ZNF536: variants seen among roughly 807,000 people sequenced by gnomAD.
ZNF536 encodes the protein zinc finger protein 536.
In ZNF536, 13 loss-of-function variants were observed where a neutral mutation model predicts 84.5. The observed-to-expected ratio is 0.15, with a 90% CI of 0.10 to 0.24. The LOEUF (loss-of-function observed/expected upper bound fraction) is 0.24, where lower values mean the gene tolerates loss of function less well. Ranked by LOEUF, ZNF536 falls within the 10% of genes least tolerant of loss-of-function variation. ZNF536 has a pLI of 1.00. For synonymous variants in ZNF536, 811 were observed against 742.5 expected (o/e 1.09, Z -1.50); for missense variants, 1,536 against 1,747.5 (o/e 0.88, Z 2.16).
intron 1 of ZNF536, among the ~76,000 whole-genome samples, chr19:30,613,209 A>C (rs2048161268): frequency 6.6e-6 from 1 of 152,178 alleles, no homozygotes; most frequent in Non-Finnish European, 1.5e-5. Flanking sequence ...CAGGTTTCTC[A>C]GCTGTCAATT....
At chr19:30,446,028 A>C (rs2052316926) in intron 2 of ZNF536, among the ~76,000 whole-genome samples, 1 of 152,050 alleles carries the variant, frequency 6.6e-6, no homozygotes, top group South Asian at 2.1e-4. Context: ...CCGGTGGATC[A>C]CTTGAGGCCA....
intron 2 of ZNF536, among the ~76,000 whole-genome samples, chr19:30,285,585 G>A (rs1384049427): frequency 1.3e-5 from 2 of 152,140 alleles, no homozygotes. Flanking sequence ...TGAATCGGAG[G>A]TATAGCCGAG....
upstream of ZNF536, among the ~76,000 whole-genome samples, chr19:30,371,715 G>C (rs2048618567): frequency 1.3e-5 from 2 of 151,656 alleles, no homozygotes; most frequent in Admixed American, 1.3e-4. Context: ...GCCAGCAGGA[G>C]ATGGAAAAGG....
chr19:30,229,818 T>C (rs968380790), intron 1 of ZNF536, among the ~76,000 whole-genome samples: 62 of 152,138 alleles, frequency 4.1e-4, no homozygotes, highest in Non-Finnish European at 7.1e-4. Context: ...AATTAACTTT[T>C]CCCCCCACTG....
rs562050408 is a variant in ZNF536 at position 30,617,572 on chromosome 19, G to C, written c.169+68058G>C. On this transcript the variant is annotated intron_variant, in intron 1 of 1. Transcript: ENST00000592773. The stretch of plus-strand genomic sequence containing the variant: ...TCACTGTGTTAGTCAGGATGGTCTC[G>C]ATCTCCTGACCTCGTGATCTGCCCA... Among the ~76,000 whole-genome samples, 143 of 151,278 alleles carry C rather than the reference G, an allele frequency of 9.5e-4. 1 individual carries two copies. Among genetic ancestry groups the C allele is most frequent in the Non-Finnish European group, 1.5e-3 (102 of 67,792 alleles).
intron 2 of ZNF536, among the ~76,000 whole-genome samples, chr19:30,497,803 A>G (rs2054785729): frequency 6.6e-6 from 1 of 152,024 alleles, no homozygotes; most frequent in Non-Finnish European, 1.5e-5. Context: ...GTGTGTGTGT[A>G]CATTCTCACG....
At chr19:30,594,435 C>A (rs1373053963) in intron 1 of ZNF536, among the ~76,000 whole-genome samples, 1 of 152,204 alleles carries the variant, frequency 6.6e-6, no homozygotes, top group African/African-American at 2.4e-5. Context: ...TCCTCAGTCT[C>A]CCCCTGCTCC....
At chr19:30,386,760 C>T (rs939230275) in intron 1 of ZNF536, among the ~76,000 whole-genome samples, 2 of 152,192 alleles carry the variant, frequency 1.3e-5, no homozygotes, top group East Asian at 1.9e-4. Flanking sequence ...CAGGGCCTGG[C>T]GCACAGCCAG....
At chr19:30,475,919 T>C (rs1198436017) in intron 2 of ZNF536, among the ~76,000 whole-genome samples, 1 of 152,190 alleles carries the variant, frequency 6.6e-6, no homozygotes, top group African/African-American at 2.4e-5. Flanking sequence ...CTTTCTCCTA[T>C]GAAGCTCACC....
At position 30,605,214 on chromosome 19, in the gene ZNF536, G is replaced by A. The variant is rs528454565; in HGVS notation, c.169+55700G>A. Among the ~76,000 whole-genome samples, 11 of 152,110 alleles carry A rather than the reference G, an allele frequency of 7.2e-5. No individual in the cohort carries two copies. In the South Asian group the frequency reaches 1.9e-3, roughly 26 times the overall value. ...TTTTAAATTTCCATAGTTTTGGGGGGTGCAGATGGTTTTTGGTTACAGGGA... is the reference window on the plus strand; with the variant it reads ...TTTTAAATTTCCATAGTTTTGGGGGATGCAGATGGTTTTTGGTTACAGGGA... On this transcript the variant is annotated intron_variant, in intron 1 of 1. Transcript: ENST00000592773.
rs1214753916 is a variant in ZNF536, at chr19:30,548,067, C to A, written c.2448C>A (p.Pro816=). ...GGGCTGGGCCGCTGTCTGGGCAACC[C>A]CCAAATCAAGACCACAAGGATGAGA... ...QNGAGPLSGQ[P]PNQDHKDEMS... Residue 816 remains proline, a synonymous_variant, in exon 4 of 5, where the codon CCC becomes CCA. Transcript: ENST00000355537. 6.2e-7 allele frequency: 1 copy of A among 1,614,124 alleles called. No homozygotes were observed. The highest frequency in any genetic ancestry group is 8.5e-7 in the Non-Finnish European group (1 of 1,180,024).
intron 2 of ZNF536, among the ~76,000 whole-genome samples, chr19:30,493,359 C>T (rs1030533770): frequency 3.9e-5 from 6 of 152,038 alleles, no homozygotes; most frequent in East Asian, 1.9e-4. Context: ...ATGCAGAGAA[C>T]GAGGTAACAA....
intron 2 of ZNF536, among the ~76,000 whole-genome samples, chr19:30,461,507 A>AC (rs1284062561): frequency 6.6e-6 from 1 of 151,450 alleles, no homozygotes; most frequent in African/African-American, 2.4e-5. Flanking sequence ...GTCTGATGGG[A>AC]CCCCCCTGAG....
chr19:30,671,689 TGTTTATAGCACCTGC>T (rs1246253376), intron 1 of ZNF536, among the ~76,000 whole-genome samples: 1 of 152,128 alleles, frequency 6.6e-6, no homozygotes, highest in African/African-American at 2.4e-5. Context: ...GTCTAACTAG[TGTTTATAGCACCTGC>T]GCTATCTCAG....
intron 3 of ZNF536, among the ~76,000 whole-genome samples, chr19:30,361,805 G>A (rs955634254): frequency 3.5e-5 from 4 of 113,698 alleles, no homozygotes; most frequent in East Asian, 2.5e-4. Flanking sequence ...CAAGGCAGGC[G>A]TCCTCCAGGG....
intron 1 of ZNF536, among the ~76,000 whole-genome samples, chr19:30,392,305 C>T (rs1470463094): frequency 2.0e-5 from 3 of 152,228 alleles, no homozygotes; most frequent in Admixed American, 6.5e-5. Context: ...AAAGATTGTG[C>T]GGTTGAATCT....
intron 1 of ZNF536, among the ~76,000 whole-genome samples, chr19:30,374,425 T>C (rs1332556716): frequency 6.6e-6 from 1 of 152,180 alleles, no homozygotes; most frequent in Non-Finnish European, 1.5e-5. Context: ...CACTAATTGC[T>C]CTGTACTAAT....
intron 1 of ZNF536, among the ~76,000 whole-genome samples, chr19:30,606,267 AAAATAAAATAAAATAAAATAAAAT>A (rs201172637): frequency 0.11 from 1,894 of 18,028 alleles, 50 homozygotes; most frequent in Middle Eastern, 0.25. Context: ...AAAATAAAAT[AAAATAAAATAAAATAAAATAAAAT>A]AAATAAAATA....
At chr19:30,514,479 T>A (rs1188100316) in intron 2 of ZNF536, among the ~76,000 whole-genome samples, 10 of 151,880 alleles carry the variant, frequency 6.6e-5, no homozygotes, top group Admixed American at 6.6e-4. Context: ...AGATGAGAAA[T>A]GGTGTGACTG....
Sources: allele counts gnomAD v4.1 joint callset (sites outside exome capture counted in the v4.1 genomes callset), GRCh38; gene constraint gnomAD v4.1.1; transcripts MANE v1.5; gene names NCBI Gene and HGNC (gene_info 2026-07-23, HGNC 2026-07-21).